The following PRKG1 variants were observed in gnomAD, a reference collection of about 807,000 sequenced individuals.
PRKG1 encodes protein kinase cGMP-dependent 1.
A neutral mutation model predicts 88.1 loss-of-function variants in PRKG1; 35 were observed. That is an observed-to-expected ratio of 0.40 (90% CI 0.30 to 0.53). The LOEUF (loss-of-function observed/expected upper bound fraction) is 0.53. Ranked by LOEUF, PRKG1 falls within the 20% of genes least tolerant of loss-of-function variation. PRKG1 has a pLI of 0.59. For synonymous variants in PRKG1, 303 were observed against 292.5 expected (o/e 1.04, Z -0.37); for missense variants, 540 against 839.8 (o/e 0.64, Z 4.41).
chr10:52,199,953 G>A (rs1362606085), intron 9 of PRKG1, among the ~76,000 whole-genome samples: 1 of 152,108 alleles, frequency 6.6e-6, no homozygotes, highest in Non-Finnish European at 1.5e-5. Context: ...CACTTGGTTT[G>A]TGCCAGGCAC....
chr10:51,026,582 G>A (rs1434220722), intron 1 of PRKG1, among the ~76,000 whole-genome samples: 47 of 152,132 alleles, frequency 3.1e-4, no homozygotes, highest in Non-Finnish European at 8.8e-5. Flanking sequence ...GAGCACTCTT[G>A]ACTCATGCTG....
chr10:51,449,290 T>G (rs1192787887), intron 2 of PRKG1, among the ~76,000 whole-genome samples: 1 of 151,860 alleles, frequency 6.6e-6, no homozygotes, highest in African/African-American at 2.4e-5. Context: ...TGTTTACTCA[T>G]TTTTACAGGA....
At chr10:51,876,148 G>C (rs876131) in intron 4 of PRKG1, among the ~76,000 whole-genome samples, 48 of 151,976 alleles carry the variant, frequency 3.2e-4, no homozygotes, top group African/African-American at 1.1e-3. Flanking sequence ...AAATAAACTT[G>C]CCACAAGTTG....
In PRKG1 at chr10:51,499,203, G is replaced by T. The variant is rs138567556; in HGVS notation, c.592+31367G>T. On this transcript the variant is annotated intron_variant, in intron 3 of 17. Transcript: ENST00000373980. ...AGAGCTCTGAGTACATGCAGAAGGG[G>T]TCAGTGCTGTGGTCAAAGATACTTG... Among the ~76,000 whole-genome samples, 592 of 152,294 alleles carry T rather than the reference G, an allele frequency of 3.9e-3. 5 individuals carry two copies. The highest frequency in any genetic ancestry group is 0.013 in the African/African-American group (553 of 41,556).
chr10:51,170,765 G>T lies in PRKG1; in HGVS notation c.478+17435G>T, dbSNP rs1047015302. On this transcript the variant is annotated intron_variant, in intron 2 of 17. Transcript: ENST00000373980. ...GAGTGGGGTGAGTCATTGCAGGGGT[G>T]GGGGGGTGGGGGAGTTGGGTAACAA... Among the ~76,000 whole-genome samples the T allele has an allele frequency of 9.6e-4, 132 of 138,070 alleles. 1 individual carries two copies. The highest frequency in any genetic ancestry group is 1.8e-3 in the Non-Finnish European group (113 of 63,362). 90.6% of individuals were successfully genotyped at this position (138,070 alleles called of 152,430 possible). A position where few individuals can be genotyped will look rare whatever the true frequency, so the allele number is the denominator to read the frequency against.
chr10:51,305,752 A>T (rs752499229), intron 2 of PRKG1, among the ~76,000 whole-genome samples: 5 of 152,162 alleles, frequency 3.3e-5, no homozygotes, highest in Non-Finnish European at 7.4e-5. Flanking sequence ...CAAAAGTGTA[A>T]CATTTTGCTT....
chr10:51,226,951 G>A (rs1317553396), intron 2 of PRKG1, among the ~76,000 whole-genome samples: 5 of 152,056 alleles, frequency 3.3e-5, no homozygotes, highest in African/African-American at 9.7e-5. Flanking sequence ...AATTGGACAA[G>A]CCCACCGACC....
intron 3 of PRKG1, among the ~76,000 whole-genome samples, chr10:51,762,606 C>T (rs1293946988): frequency 1.3e-5 from 2 of 152,078 alleles, no homozygotes; most frequent in Non-Finnish European, 2.9e-5. Flanking sequence ...ATAACAATGA[C>T]TTTTTTTTAC....
At chr10:51,431,599 C>T (rs1023582141) in intron 2 of PRKG1, among the ~76,000 whole-genome samples, 1 of 152,210 alleles carries the variant, frequency 6.6e-6, no homozygotes, top group Non-Finnish European at 1.5e-5. Flanking sequence ...CCTGCTGAGG[C>T]CTTTGCTGTT....
At chr10:51,800,296 T>C (rs959793755) in intron 3 of PRKG1, among the ~76,000 whole-genome samples, 12 of 152,098 alleles carry the variant, frequency 7.9e-5, no homozygotes, top group Non-Finnish European at 1.0e-4. Flanking sequence ...CGGACTATTG[T>C]AACAAATACA....
intron 5 of PRKG1, among the ~76,000 whole-genome samples, chr10:51,956,462 C>T (rs1843305110): frequency 6.6e-6 from 1 of 151,942 alleles, no homozygotes; most frequent in Non-Finnish European, 1.5e-5. Context: ...AAGTGAGAAT[C>T]TGCCCAATTG....
intron 3 of PRKG1, among the ~76,000 whole-genome samples, chr10:51,470,351 G>A (rs867370480): frequency 9.2e-5 from 14 of 151,728 alleles, no homozygotes; most frequent in African/African-American, 2.4e-4. Context: ...CCACTTGGGC[G>A]TAATAGTCTA....
At chr10:52,196,285 G>T (rs1027927797) in intron 9 of PRKG1, among the ~76,000 whole-genome samples, 2 of 152,038 alleles carry the variant, frequency 1.3e-5, no homozygotes, top group African/African-American at 4.8e-5. Flanking sequence ...CAAAGTCCTG[G>T]GATTACAGGC....
chr10:51,207,845 C>T (rs900309805), intron 2 of PRKG1, among the ~76,000 whole-genome samples: 1 of 152,118 alleles, frequency 6.6e-6, no homozygotes, highest in African/African-American at 2.4e-5. Context: ...CTCCATAAAC[C>T]TCAGTCAGAA....
chr10:52,209,375 A>G (rs966320046), intron 9 of PRKG1, among the ~76,000 whole-genome samples: 1 of 152,212 alleles, frequency 6.6e-6, no homozygotes, highest in South Asian at 2.1e-4. Flanking sequence ...ACCATTTAAA[A>G]ATGTCATAAT....
At chr10:52,070,258 CT>C (rs992198710) in intron 7 of PRKG1, among the ~76,000 whole-genome samples, 1 of 152,114 alleles carries the variant, frequency 6.6e-6, no homozygotes, top group African/African-American at 2.4e-5. Flanking sequence ...TGGTTTATAC[CT>C]TCTGCCCTTG....
intron 2 of PRKG1, among the ~76,000 whole-genome samples, chr10:51,232,653 G>GA (rs200564986): frequency 2.0e-5 from 3 of 151,380 alleles, no homozygotes; most frequent in South Asian, 2.1e-4. Context: ...CAGTGCAATG[G>GA]AAAAAAAAAT....
chr10:52,104,337 T>C (rs1347518227), intron 7 of PRKG1, among the ~76,000 whole-genome samples: 1 of 151,970 alleles, frequency 6.6e-6, no homozygotes, highest in Non-Finnish European at 1.5e-5. Flanking sequence ...AAAAAGGAAG[T>C]CATTTAGGGC....
intron 4 of PRKG1, among the ~76,000 whole-genome samples, chr10:51,834,469 C>T (rs111520964): frequency 0.017 from 2,605 of 151,940 alleles, 80 homozygotes; most frequent in African/African-American, 0.059. Flanking sequence ...GGAGAAACCC[C>T]ATCTCTACAA....
Sources: gnomAD v4.1 joint callset for allele counts (sites outside exome capture counted in the v4.1 genomes callset) on GRCh38, gnomAD v4.1.1 for gene constraint, MANE v1.5 for transcripts, NCBI Gene and HGNC (gene_info 2026-07-23, HGNC 2026-07-21) for gene names.